The following BANK1 variants were observed in gnomAD, a reference collection of about 807,000 sequenced individuals.
BANK1 encodes B cell scaffold protein with ankyrin repeats 1, also known as B-cell scaffold protein with ankyrin repeats.
A neutral mutation model predicts 94.5 loss-of-function variants in BANK1; 95 were observed. The observed-to-expected ratio is 1.00, with a 90% confidence interval of 0.85 to 1.19. BANK1 has a LOEUF of 1.19. BANK1 is among the 50% of genes most tolerant of loss of function. The pLI, the probability that BANK1 is intolerant of heterozygous loss-of-function variation, is 0.00. For missense variants in BANK1, 987 were observed against 932.2 expected (o/e 1.06, Z -0.77); for synonymous variants, 334 against 308.4 (o/e 1.08, Z -0.87).
chr4:101,801,371 C>T (rs1725350639), intron 1 of BANK1, among the ~76,000 whole-genome samples: 2 of 152,070 alleles, frequency 1.3e-5, no homozygotes. Context: ...ATTAAAATGA[C>T]ATATGTGCCG....
intron 7 of BANK1, among the ~76,000 whole-genome samples, chr4:101,966,790 C>A (rs1724778510): frequency 6.6e-6 from 1 of 151,916 alleles, no homozygotes; most frequent in Admixed American, 6.6e-5. Context: ...GGCTTAAGAC[C>A]CATAGTCAGC....
At chr4:102,069,227 G>A (rs1728682440) in intron 13 of BANK1, among the ~76,000 whole-genome samples, 1 of 152,146 alleles carries the variant, frequency 6.6e-6, no homozygotes, top group Admixed American at 6.5e-5. Flanking sequence ...AGATAAATAT[G>A]GAAATATAGT....
intron 6 of BANK1, among the ~76,000 whole-genome samples, chr4:101,904,280 T>C (rs1001391342): frequency 6.6e-6 from 1 of 152,238 alleles, no homozygotes; most frequent in African/African-American, 2.4e-5. Context: ...TATGACTGAA[T>C]TGATAGCTCT....
At chr4:102,022,559 C>T (rs780103788) in intron 8 of BANK1, among the ~76,000 whole-genome samples, 9 of 152,156 alleles carry the variant, frequency 5.9e-5, no homozygotes, top group South Asian at 2.1e-4. Context: ...TGGCAATGAA[C>T]GGAAATTGTT....
Position 102,030,070 on chromosome 4 carries a change from A to G in BANK1, c.1705A>G (p.Lys569Glu). ...AGAAAAAGAGAAGAAAGAAGAGGAA[A>G]AAGAGCAGGAGGAGGAAGAAGACCC... ...KGEKEKKEEE[K>E]EQEEEEDPYT... The change falls in exon 10 of 17, where the codon AAA becomes GAA. Residue 569 changes from lysine (K) to glutamate (E), a missense_variant. By Grantham distance (56) the Lys-to-Glu change is moderately conservative. Coordinates refer to ENST00000322953, the MANE Select transcript of BANK1 (RefSeq NM_017935.5). 1 of 1,613,968 alleles carries G rather than the reference A, an allele frequency of 6.2e-7. No individual in the cohort carries two copies. The highest frequency in any genetic ancestry group is 1.3e-5 in the African/African-American group (1 of 75,026).
intron 5 of BANK1, among the ~76,000 whole-genome samples, chr4:101,883,255 T>C (rs1418294318): frequency 6.6e-6 from 1 of 152,212 alleles, no homozygotes; most frequent in East Asian, 1.9e-4. Context: ...TACCACTTAG[T>C]ACACTTATGC....
At chr4:102,070,709 C>T (rs1325570722) in intron 13 of BANK1, among the ~76,000 whole-genome samples, 2 of 152,126 alleles carry the variant, frequency 1.3e-5, no homozygotes, top group Non-Finnish European at 2.9e-5. Flanking sequence ...TGGTGTGGAG[C>T]CCTCTCCCAC....
intron 7 of BANK1, among the ~76,000 whole-genome samples, chr4:101,990,226 A>T (rs1371231757): frequency 6.6e-6 from 1 of 152,214 alleles, no homozygotes; most frequent in Admixed American, 6.5e-5. Flanking sequence ...TGTTCAGCTT[A>T]TAAAAAACAA....
chr4:102,054,210 A>G (rs1324883523), intron 11 of BANK1, among the ~76,000 whole-genome samples: 2 of 152,118 alleles, frequency 1.3e-5, no homozygotes, highest in African/African-American at 4.8e-5. Flanking sequence ...GAGCTAAGAA[A>G]TGGTAGAGGT....
At chr4:102,029,899 G>C in intron 9 of BANK1, 61 bp from the exon 10 acceptor site, 1 of 1,489,192 alleles carries the variant, frequency 6.7e-7, no homozygotes, top group Non-Finnish European at 9.0e-7. Context: ...AGTGACAGAT[G>C]GACACCAATA....
Position 102,055,058 on chromosome 4 carries a change from G to A in BANK1, c.1970-5153G>A, listed in dbSNP as rs574777017. ...AAGATACATCCCCGAAAATACCAAG[G>A]AAATACTCATTAATAAAATTATGTC... On this transcript the variant is annotated intron_variant, in intron 11 of 16. Transcript: ENST00000322953. Among the ~76,000 whole-genome samples, 4 of 151,944 alleles carry A rather than the reference G, an allele frequency of 2.6e-5. No homozygotes were observed. The South Asian group carries it at 8.3e-4, about 32-fold the overall frequency.
At chr4:101,878,578 G>A (rs1374509064) in intron 5 of BANK1, among the ~76,000 whole-genome samples, 1 of 152,062 alleles carries the variant, frequency 6.6e-6, no homozygotes, top group African/African-American at 2.4e-5. Context: ...AGAAGCATTG[G>A]ACTTAATCTG....
chr4:101,972,917 A>AAAAGAC lies in BANK1; in HGVS notation c.1207-48593_1207-48588dup. The AAAAGAC allele has an allele frequency of 2.6e-5, 4 of 152,272 alleles. No individual in the cohort carries two copies. The East Asian group carries it at 7.7e-4, about 29-fold the overall frequency. The allele number at this position is 152,272 out of a possible 1,614,324, so 9.4% of individuals were successfully genotyped here. On this transcript the variant is annotated intron_variant, in intron 7 of 16. Transcript: ENST00000322953. The stretch of plus-strand genomic sequence containing the variant: ...AGGTAACAGAAATAAGCCAAGCACC[A>AAAAGAC]AAAGACAAATACTGCATGTTCTCAC...
At chr4:101,994,182 A>G (rs1233346925) in intron 7 of BANK1, among the ~76,000 whole-genome samples, 3 of 152,248 alleles carry the variant, frequency 2.0e-5, no homozygotes, top group Admixed American at 6.5e-5. Context: ...CAGAGACTTT[A>G]ACAAAAGGAA....
chr4:102,073,722 C>G lies in BANK1; in HGVS notation c.2337C>G (p.Phe779Leu). Reference sequence around the variant, plus strand: ...CCCAAGTTGAAAAGGAATTTGGTTTCTGTTGCAAGAAAGATCATTAAAGAA... The same window carrying G: ...CCCAAGTTGAAAAGGAATTTGGTTTGTGTTGCAAGAAAGATCATTAAAGAA... ...ARPQVEKEFG[F>L]CCKKDH The change falls in exon 16 of 17, where the codon TTC becomes TTG. Residue 779 changes from phenylalanine to leucine, a missense_variant. By Grantham distance (22) the Phe-to-Leu change is conservative. Transcript: ENST00000322953. The G allele has an allele frequency of 6.2e-7, 1 of 1,611,040 alleles. No homozygotes were observed. The highest frequency in any genetic ancestry group is 8.5e-7 in the Non-Finnish European group (1 of 1,178,444).
At chr4:102,021,948 G>T (rs994284665) in intron 8 of BANK1, among the ~76,000 whole-genome samples, 3 of 151,952 alleles carry the variant, frequency 2.0e-5, no homozygotes, top group African/African-American at 7.3e-5. Context: ...TATGAAATGA[G>T]AATATTGAAC....
At chr4:101,994,598 G>A (rs1471284857) in intron 7 of BANK1, among the ~76,000 whole-genome samples, 1 of 152,128 alleles carries the variant, frequency 6.6e-6, no homozygotes, top group Non-Finnish European at 1.5e-5. Flanking sequence ...AATCAGAAAA[G>A]CAGTATGTTA....
chr4:101,929,597 C>G (rs989541538), intron 7 of BANK1, among the ~76,000 whole-genome samples: 2 of 151,468 alleles, frequency 1.3e-5, no homozygotes, highest in Non-Finnish European at 3.0e-5. Flanking sequence ...GTAACATTTT[C>G]TCAGGGAATG....
chr4:101,821,229 G>T (rs767608798), intron 1 of BANK1, among the ~76,000 whole-genome samples: 3 of 152,038 alleles, frequency 2.0e-5, no homozygotes, highest in Non-Finnish European at 2.9e-5. Flanking sequence ...CCATATGATT[G>T]TTGGCCACAT....
Sources: gnomAD v4.1 joint callset for allele counts (sites outside exome capture counted in the v4.1 genomes callset) on GRCh38, gnomAD v4.1.1 for gene constraint, MANE v1.5 for transcripts, NCBI Gene and HGNC (gene_info 2026-07-23, HGNC 2026-07-21) for gene names.